FOXM1: variants seen among roughly 807,000 people sequenced by gnomAD.
The protein encoded by FOXM1 is forkhead box protein M1.
A neutral mutation model predicts 63.6 loss-of-function variants in FOXM1; 25 were observed. That is an observed-to-expected ratio of 0.39 (90% CI 0.29 to 0.55). FOXM1 has a LOEUF of 0.55. FOXM1 is among the 20% of genes least tolerant of loss of function. The probability of loss-of-function intolerance (pLI) is 0.60; values close to 1 mark genes in which losing one functional copy is unlikely to be tolerated. For synonymous variants in FOXM1, 387 were observed against 376.9 expected, an observed-to-expected ratio of 1.03 and a Z score of -0.31; for missense variants, 879 against 958.7, an observed-to-expected ratio of 0.92 and a Z score of 1.10.
At chr12:2,871,115 G>A (rs903830708) in intron 3 of FOXM1, among the ~76,000 whole-genome samples, 2 of 151,878 alleles carry the variant, frequency 1.3e-5, no homozygotes, top group African/African-American at 2.4e-5. Context: ...CACTACCTGG[G>A]TGACAAAATC....
chr12:2,875,062 A>AG (rs1162679642), intron 1 of FOXM1, among the ~76,000 whole-genome samples: 1 of 142,770 alleles, frequency 7.0e-6, no homozygotes, highest in Non-Finnish European at 1.5e-5. Context: ...GCACGATCTC[A>AG]GTTCACTGCA....
Position 2,868,749 on chromosome 12 carries a change from C to T in FOXM1, c.660G>A (p.Glu220=). The T allele has an allele frequency of 6.2e-7, 1 of 1,611,510 alleles. No individual in the cohort carries two copies. Among genetic ancestry groups the T allele is most frequent in the Non-Finnish European group, 8.5e-7 (1 of 1,178,892 alleles). ...CHLEQRQVKV[E]EPSRPSASWQ... ...AGGACGCTGATGGTCTCGAAGGCTCCTCAACCTGAGGGTTATGACACAGGG... is the reference window on the plus strand; with the variant it reads ...AGGACGCTGATGGTCTCGAAGGCTCTTCAACCTGAGGGTTATGACACAGGG... The change falls in exon 4 of 9, where the codon GAG becomes GAA. Residue 220 remains glutamate, a synonymous_variant. Coordinates refer to ENST00000359843, the MANE Select transcript of FOXM1 (RefSeq NM_021953.4).
At chr12:2,869,596 C>A (rs1196386100) in intron 3 of FOXM1, among the ~76,000 whole-genome samples, 1 of 152,070 alleles carries the variant, frequency 6.6e-6, no homozygotes, top group African/African-American at 2.4e-5. Flanking sequence ...CCACCACGCC[C>A]AGCTACTTTT....
intron 5 of FOXM1, 96 bp from the exon 6 acceptor site, chr12:2,865,495 G>T: frequency 1.0e-6 from 1 of 976,414 alleles, no homozygotes; most frequent in Non-Finnish European, 1.6e-6. Context: ...ATTCCTGACT[G>T]ATGACAAAAG....
rs147460582 is a variant in FOXM1 at position 2,876,041 on chromosome 12, G to A, written c.-48+879C>T. Among the ~76,000 whole-genome samples the A allele has an allele frequency of 8.4e-3, 1,273 of 152,090 alleles. 19 individuals carry two copies. The highest frequency in any genetic ancestry group is 0.028 in the African/African-American group (1,178 of 41,486). The stretch of plus-strand genomic sequence containing the variant: ...CTCCCAAAGTGCTGGGATTACAGGC[G>A]TGAGCCACTGCGCCCGGCCTTTTGT... On this transcript the variant is annotated intron_variant, in intron 1 of 8. Transcript: ENST00000359843.
Position 2,858,405 on chromosome 12 carries a change from T to C in FOXM1, c.*233A>G. 2.0e-6 allele frequency: 1 copy of C among 512,470 alleles called. No individual in the cohort carries two copies. The highest frequency in any genetic ancestry group is 3.1e-5 in the East Asian group (1 of 32,634). The allele number at this position is 512,470 out of a possible 1,614,324, so 31.7% of individuals were successfully genotyped here. A position where few individuals can be genotyped will look rare whatever the true frequency, so the allele number is the denominator to read the frequency against. On this transcript the variant is annotated 3_prime_UTR_variant, in exon 9 of 9. Transcript: ENST00000359843. ...TCTCTTTTCACCATTGCCTTTGTTGTTCCCACCCTTCAGCTCCTGGCAGGG... is the reference window on the plus strand; with the variant it reads ...TCTCTTTTCACCATTGCCTTTGTTGCTCCCACCCTTCAGCTCCTGGCAGGG...
In FOXM1 at chr12:2,864,404, C is replaced by T. The variant is rs28990714; in HGVS notation, c.1182G>A (p.Ser394=). The T allele has an allele frequency of 1.5e-5, 25 of 1,614,030 alleles. No homozygotes were observed. Among genetic ancestry groups the T allele is most frequent in the Admixed American group, 1.2e-4 (7 of 59,998 alleles). The stretch of plus-strand genomic sequence containing the variant: ...CCGCCAGGGGCAATGGCACCTTCAC[C>T]GAGGGCTGCAACACCAGTGACTGGT... The part of the protein sequence containing the change: ...PVNQSLVLQP[S]VKVPLPLAAS... Residue 394 remains serine (S), a synonymous_variant, in exon 8 of 9, where the codon TCG becomes TCA. Transcript: ENST00000359843. The surrounding 1 kb of genome is among the most constrained non-coding windows in gnomAD (Gnocchi z 5.1).
rs1299937598 is a variant in FOXM1, at chr12:2,866,556, C to T, written c.847-35G>A. ...GAGCAAGACAACTGGTTATCAGCTA[C>T]TTTAGATTCAGAAACATCACCCTTC... On this transcript the variant is annotated intron_variant, in intron 4 of 8. Transcript: ENST00000359843. 1.4e-5 allele frequency: 21 copies of T among 1,484,604 alleles called. No individual in the cohort carries two copies. The East Asian group carries it at 5.4e-4, about 38-fold the overall frequency. The allele number at this position is 1,484,604 out of a possible 1,614,324, so 92.0% of individuals were successfully genotyped here. A position where few individuals can be genotyped will look rare whatever the true frequency, so the allele number is the denominator to read the frequency against.
chr12:2,860,671 G>A lies in FOXM1; in HGVS notation c.1267-1008C>T, dbSNP rs186473618. Among the ~76,000 whole-genome samples, 18 of 152,034 alleles carry A rather than the reference G, an allele frequency of 1.2e-4. No homozygotes were observed. The East Asian group carries it at 2.3e-3, about 20-fold the overall frequency. ...GCAGATCACCTGAGGTCAGAAGTTC[G>A]AGACCAGCCTGACCAACATGGTGAA... On this transcript the variant is annotated intron_variant, in intron 8 of 8. Transcript: ENST00000359843.
At position 2,876,751 on chromosome 12, in the gene FOXM1, G is replaced by A. The variant is rs766576460; in HGVS notation, c.-48+169C>T. ...GCAGTGAGAAGGCCACGGCCAGGAG[G>A]TGGACGCAGAAAAAACTTGCACCCT... On this transcript the variant is annotated intron_variant, in intron 1 of 8. Coordinates refer to ENST00000359843, the MANE Select transcript of FOXM1 (RefSeq NM_021953.4). Among the ~76,000 whole-genome samples, 11 of 152,316 alleles carry A rather than the reference G, an allele frequency of 7.2e-5. No homozygotes were observed. In the South Asian group the frequency reaches 2.1e-3, roughly 29 times the overall value.
Position 2,864,601 on chromosome 12 carries a change from G to A in FOXM1, c.1090+82C>T. ...CTGGGCTCAGATCCCTTTGAGGTGG[G>A]AACAGAATCCCAGAGTCTGGTTCCC... On this transcript the variant is annotated intron_variant, in intron 7 of 8. Transcript: ENST00000359843. The surrounding 1 kb of genome is among the most constrained non-coding windows in gnomAD (Gnocchi z 5.1). The A allele has an allele frequency of 1.9e-6, 3 of 1,589,658 alleles. No homozygotes were observed. The highest frequency in any genetic ancestry group is 2.6e-6 in the Non-Finnish European group (3 of 1,158,480).
At chr12:2,859,878 G>A (rs887043013) in intron 8 of FOXM1, 16 of 545,154 alleles carry the variant, frequency 2.9e-5, no homozygotes, top group Non-Finnish European at 3.9e-5. Flanking sequence ...GCATTCATCC[G>A]AGAGGAAATA....
rs763235392 is a variant in FOXM1 at position 2,858,763 on chromosome 12, C to T, written c.2167G>A (p.Val723Ile). ...AANRSLTEGL[V>I]LDTMNDSLSK... ...AGGCTGTCATTCATTGTGTCCAGGA[C>T]CAGGCCTTCTGTCAGAGAACGATTG... The change falls in exon 9 of 9, where the codon GTC (valine) becomes ATC (isoleucine). Residue 723 changes from valine (V) to isoleucine (I), a missense_variant. By Grantham distance (29) the Val-to-Ile change is conservative. This residue lies in a region of FOXM1 where 486 missense variants were observed against 453.5 expected (regional missense o/e 1.07). Coordinates refer to ENST00000359843, the MANE Select transcript of FOXM1 (RefSeq NM_021953.4). 2.5e-6 allele frequency: 4 copies of T among 1,614,080 alleles called. No homozygotes were observed. In the African/African-American group the frequency reaches 5.3e-5, roughly 22 times the overall value.
At position 2,872,560 on chromosome 12, in the gene FOXM1, C is replaced by T. The variant is rs912778618; in HGVS notation, c.503-313G>A. ...GGAGACGAAGGCTGCAGTGAGCCAACATTGCGCCACTACACTCCAGCCTGA... is the reference window on the plus strand; with the variant it reads ...GGAGACGAAGGCTGCAGTGAGCCAATATTGCGCCACTACACTCCAGCCTGA... On this transcript the variant is annotated intron_variant, in intron 2 of 8. Coordinates refer to ENST00000359843, the MANE Select transcript of FOXM1 (RefSeq NM_021953.4). The surrounding 1 kb of genome is among the most constrained non-coding windows in gnomAD (Gnocchi z 4.0). Among the ~76,000 whole-genome samples the T allele has an allele frequency of 2.0e-5, 3 of 152,120 alleles. No homozygotes were observed. The East Asian group carries it at 5.8e-4, about 29-fold the overall frequency.
At position 2,868,570 on chromosome 12, in the gene FOXM1, C is replaced by A; in HGVS notation, c.839G>T (p.Gly280Val). 2 of 1,608,674 alleles carry A rather than the reference C, an allele frequency of 1.2e-6. No individual in the cohort carries two copies. The highest frequency in any genetic ancestry group is 8.5e-7 in the Non-Finnish European group (1 of 1,176,966). The change falls in exon 4 of 9, where the codon GGC becomes GTC. Residue 280 changes from glycine (G) to valine (V), a missense_variant. By Grantham distance (109) the Gly-to-Val change is moderately radical. Transcript: ENST00000359843. Reference sequence around the variant, plus strand: ...TGCTGTGGGACACATTACCTTCCAGCCTGGCTTGGCAATGTGCTTAAAGTA... The same window carrying A: ...TGCTGTGGGACACATTACCTTCCAGACTGGCTTGGCAATGTGCTTAAAGTA... Reference protein sequence around the residue: ...FPYFKHIAKPGWKNSIRHNLS... With the variant: ...FPYFKHIAKPVWKNSIRHNLS...
At chr12:2,860,811 GCCAAGATCACA>G (rs1266827403) in intron 8 of FOXM1, among the ~76,000 whole-genome samples, 1 of 149,786 alleles carries the variant, frequency 6.7e-6, no homozygotes, top group African/African-American at 2.5e-5. Context: ...GGCAGAGGTT[GCCAAGATCACA>G]CCACTGTACT....
chr12:2,858,921 A>AG lies in FOXM1; in HGVS notation c.2008dup (p.Leu670ProfsTer2), dbSNP rs745702333. ...ACTGAGGAGCCTTTGCGGTGATTCAAGGGGGGGAGCACTTTGCAAGGGAGT... is the reference window on the plus strand; with the variant it reads ...ACTGAGGAGCCTTTGCGGTGATTCAAGGGGGGGGAGCACTTTGCAAGGGAGT... On this transcript the variant is annotated frameshift_variant, in exon 9 of 9. Coordinates refer to ENST00000359843, the MANE Select transcript of FOXM1 (RefSeq NM_021953.4). LOFTEE classifies it high-confidence loss of function. 3.7e-6 allele frequency: 6 copies of AG among 1,613,632 alleles called. No homozygotes were observed. Among genetic ancestry groups the AG allele is most frequent in the East Asian group, 2.2e-5 (1 of 44,850 alleles).
rs747925077 is a variant in FOXM1, at chr12:2,864,268, CA to C, written c.1266+51del. 7.8e-5 allele frequency: 118 copies of C among 1,510,344 alleles called. No homozygotes were observed. Among genetic ancestry groups the C allele is most frequent in the Admixed American group, 2.2e-4 (12 of 53,520 alleles). The allele number at this position is 1,510,344 out of a possible 1,614,324, so 93.6% of individuals were successfully genotyped here. ...CAGAGTGCTTTGCAAGCTGAAGGTC[CA>C]ACATTCTTAATTGGCCAGAATCTCT... On this transcript the variant is annotated intron_variant, in intron 8 of 8. Transcript: ENST00000359843. This position sits in a 1 kb window ranked among gnomAD's most constrained non-coding sequence, Gnocchi z 5.1.
chr12:2,859,314 C>T lies in FOXM1; in HGVS notation c.1616G>A (p.Arg539Lys). ...EMLVIQHRER[R>K]ERSRSRRKQH... ...TTTTCTCCGAGACCGGCTCCTCTCC[C>T]TCCTCTCCCTGTGTTGAATCACAAG... is the stretch of plus-strand genomic sequence containing the variant. The change falls in exon 9 of 9, where the codon AGG becomes AAG. Residue 539 changes from arginine to lysine, a missense_variant. Transcript: ENST00000359843. 6.2e-7 allele frequency: 1 copy of T among 1,613,522 alleles called. No homozygotes were observed. The highest frequency in any genetic ancestry group is 2.2e-5 in the East Asian group (1 of 44,868).
Sources: gnomAD v4.1 joint callset for allele counts (sites outside exome capture counted in the v4.1 genomes callset) on GRCh38, gnomAD v4.1.1 for gene constraint, gnomAD v4.1.1 regional missense constraint, Gnocchi (gnomAD v3.1) non-coding constraint, MANE v1.5 for transcripts, NCBI Gene and HGNC (gene_info 2026-07-23, HGNC 2026-07-21) for gene names.